PCDHGA5: variants seen among roughly 807,000 people sequenced by gnomAD.
The protein encoded by PCDHGA5 is protocadherin gamma subfamily A, 5.
In PCDHGA5, 36 loss-of-function variants were observed where a neutral mutation model predicts 56.7. That is an observed-to-expected ratio of 0.64 (90% CI 0.49 to 0.84). PCDHGA5 has a LOEUF of 0.84. Among genes scored for constraint, PCDHGA5 ranks in the 40% least tolerant of loss-of-function variants. The pLI is 0.00. For missense variants in PCDHGA5, 1,305 were observed against 1,201.5 expected (o/e 1.09, Z -1.27); for synonymous variants, 563 against 520.2 (o/e 1.08, Z -1.12).
rs777924092 is a variant in PCDHGA5 at position 141,487,482 on chromosome 5, A to T, written c.2422-7325A>T. The T allele has an allele frequency of 1.2e-6, 2 of 1,614,164 alleles. No individual in the cohort carries two copies. Among genetic ancestry groups the T allele is most frequent in the South Asian group, 2.2e-5 (2 of 91,086 alleles). ...TTTGTTGATGTGGGAGGCCACTCTCATGGCTGTACACCCTTGGCTTCTGCA... is the reference window on the plus strand; with the variant it reads ...TTTGTTGATGTGGGAGGCCACTCTCTTGGCTGTACACCCTTGGCTTCTGCA... On this transcript the variant is annotated intron_variant, in intron 1 of 3. Coordinates refer to ENST00000518069, the MANE Select transcript of PCDHGA5 (RefSeq NM_018918.3). The surrounding 1 kb of genome is among the most constrained non-coding windows in gnomAD (Gnocchi z 5.0).
chr5:141,490,822 C>T lies in PCDHGA5; in HGVS notation c.2422-3985C>T. ...GCGTACCTTTGACTATGAATTGCTG[C>T]AGATGCTGCAGATTGTGGTGGGGGT... On this transcript the variant is annotated intron_variant, in intron 1 of 3. Coordinates refer to ENST00000518069, the MANE Select transcript of PCDHGA5 (RefSeq NM_018918.3). This position sits in a 1 kb window ranked among gnomAD's most constrained non-coding sequence, Gnocchi z 5.4. 2 of 1,613,842 alleles carry T rather than the reference C, an allele frequency of 1.2e-6. No individual in the cohort carries two copies. Among genetic ancestry groups the T allele is most frequent in the Non-Finnish European group, 1.7e-6 (2 of 1,179,790 alleles).
At chr5:141,397,725 C>T (rs1292048088) in intron 1 of PCDHGA5, among the ~76,000 whole-genome samples, 1 of 152,180 alleles carries the variant, frequency 6.6e-6, no homozygotes, top group Non-Finnish European at 1.5e-5. Flanking sequence ...ATTTGGAAAA[C>T]AGAGAAAGAT....
intron 1 of PCDHGA5, among the ~76,000 whole-genome samples, chr5:141,471,076 T>C (rs1463083616): frequency 1.5e-5 from 2 of 136,094 alleles, no homozygotes; most frequent in Non-Finnish European, 3.1e-5. Context: ...TGAGACAGGG[T>C]CTCCCTCTGT....
chr5:141,510,582 A>G (rs1156375287), intron 3 of PCDHGA5, among the ~76,000 whole-genome samples: 2 of 152,166 alleles, frequency 1.3e-5, no homozygotes, highest in Non-Finnish European at 2.9e-5. Context: ...TATTTTACGT[A>G]CCTGACATAC....
In PCDHGA5 at chr5:141,432,167, T is replaced by G. The variant is rs559707772; in HGVS notation, c.2422-62640T>G. The G allele has an allele frequency of 1.4e-5, 22 of 1,613,962 alleles. No homozygotes were observed. The highest frequency in any genetic ancestry group is 9.3e-5 in the African/African-American group (7 of 74,972). On this transcript the variant is annotated intron_variant, in intron 1 of 3. Coordinates refer to ENST00000518069, the MANE Select transcript of PCDHGA5 (RefSeq NM_018918.3). The surrounding 1 kb of genome is among the most constrained non-coding windows in gnomAD (Gnocchi z 6.0). Reference sequence around the variant, plus strand: ...CCCAGAGAACAATCCCAGAGGAGTTTCCCTCGTCTCTGTGACCGCCCACGA... The same window carrying G: ...CCCAGAGAACAATCCCAGAGGAGTTGCCCTCGTCTCTGTGACCGCCCACGA...
chr5:141,403,465 G>A, intron 1 of PCDHGA5: 1 of 1,614,018 alleles, frequency 6.2e-7, no homozygotes, highest in Non-Finnish European at 8.5e-7. Context: ...AGAGCTACCA[G>A]CTCAGCCCCA....
chr5:141,375,876 C>T, intron 1 of PCDHGA5: 1 of 1,613,848 alleles, frequency 6.2e-7, no homozygotes, highest in Non-Finnish European at 8.5e-7. Context: ...GACAGAGACT[C>T]GGGCCAGAAC....
rs555568322 is a variant in PCDHGA5, at chr5:141,366,458, G to T, written c.2128G>T (p.Val710Leu). Residue 710 changes from valine (V) to leucine (L), a missense_variant, in exon 1 of 4, where the codon GTG becomes TTG. Transcript: ENST00000518069. ...CTGCGTCTTCCTGGCCTTCGTCATC[G>T]TGCTGCTGGTGCTCAGACTGAGGCG... The part of the protein sequence containing the change: ...VSCVFLAFVI[V>L]LLVLRLRRWH... 12 of 1,614,210 alleles carry T rather than the reference G, an allele frequency of 7.4e-6. No individual in the cohort carries two copies. Among genetic ancestry groups the T allele is most frequent in the African/African-American group, 1.3e-5 (1 of 75,068 alleles).
chr5:141,413,328 C>G, intron 1 of PCDHGA5: 1 of 1,614,004 alleles, frequency 6.2e-7, no homozygotes, highest in Non-Finnish European at 8.5e-7. Context: ...TCGTGGGCAA[C>G]ATCTCCAAGG....
At chr5:141,379,890 T>TTTTTTTTTTTTTTTTTTTTTTG (rs1776022019) in intron 1 of PCDHGA5, among the ~76,000 whole-genome samples, 1 of 25,360 alleles carries the variant, frequency 3.9e-5, no homozygotes, top group Non-Finnish European at 6.4e-5. Context: ...TGAAAGCCTC[T>TTTTTTTTTTTTTTTTTTTTTTG]TTTTTTTTTT....
chr5:141,415,853 G>A, intron 1 of PCDHGA5: 1 of 1,186,350 alleles, frequency 8.4e-7, no homozygotes, highest in Non-Finnish European at 1.1e-6. Flanking sequence ...GCAGAACCTT[G>A]TAGTTTATAG....
intron 1 of PCDHGA5, chr5:141,389,992 T>C (rs1454071261): frequency 6.2e-7 from 1 of 1,614,010 alleles, no homozygotes; most frequent in South Asian, 1.1e-5. Flanking sequence ...CTCTTCCTCG[T>C]GGCCATGATT....
At chr5:141,507,809 C>G (rs866898784) in intron 3 of PCDHGA5, among the ~76,000 whole-genome samples, 1 of 152,206 alleles carries the variant, frequency 6.6e-6, no homozygotes, top group Non-Finnish European at 1.5e-5. Context: ...CCCTGGGGAA[C>G]GGACCCTGGG....
intron 2 of PCDHGA5, among the ~76,000 whole-genome samples, chr5:141,500,806 T>C (rs2099802700): frequency 6.6e-6 from 1 of 152,240 alleles, no homozygotes; most frequent in Non-Finnish European, 1.5e-5. Context: ...AGTCCTCATA[T>C]GAATATACAT....
rs532631149 is a variant in PCDHGA5, at chr5:141,506,489, C to A, written c.2569+1008C>A. On this transcript the variant is annotated intron_variant, in intron 3 of 3. Transcript: ENST00000518069. ...AAGAGCACAGGCTTTAGAGGCAGGC[C>A]AATCTGGATTCAAATCCTGGCACCT... 1.9e-4 allele frequency among the ~76,000 whole-genome samples: 29 copies of A among 150,750 alleles called. 1 individual carries two copies. In the South Asian group the frequency reaches 5.9e-3, roughly 31 times the overall value.
At position 141,485,379 on chromosome 5, in the gene PCDHGA5, A is replaced by G. The variant is rs749607481; in HGVS notation, c.2422-9428A>G. 12 of 1,613,934 alleles carry G rather than the reference A, an allele frequency of 7.4e-6. No homozygotes were observed. In the Admixed American group the frequency reaches 1.8e-4, roughly 25 times the overall value. The stretch of plus-strand genomic sequence containing the variant: ...GCTCGCAGGCTGCAGGTCGCTGGAG[A>G]GGTGAACCAAAGACACTTCCGTGTG... On this transcript the variant is annotated intron_variant, in intron 1 of 3. Coordinates refer to ENST00000518069, the MANE Select transcript of PCDHGA5 (RefSeq NM_018918.3). This position sits in a 1 kb window ranked among gnomAD's most constrained non-coding sequence, Gnocchi z 5.7.
Position 141,485,752 on chromosome 5 carries a change from G to A in PCDHGA5, c.2422-9055G>A. 1 of 1,614,232 alleles carries A rather than the reference G, an allele frequency of 6.2e-7. No individual in the cohort carries two copies. Among genetic ancestry groups the A allele is most frequent in the Middle Eastern group, 1.6e-4 (1 of 6,062 alleles). ...GCAGCGACGGCAGCCTGGTCCCAGA[G>A]CTGCTCCTGGAGAAGCCTTTGGATC... On this transcript the variant is annotated intron_variant, in intron 1 of 3. Coordinates refer to ENST00000518069, the MANE Select transcript of PCDHGA5 (RefSeq NM_018918.3). This position sits in a 1 kb window ranked among gnomAD's most constrained non-coding sequence, Gnocchi z 5.7.
chr5:141,412,952 T>C, intron 1 of PCDHGA5: 1 of 482,218 alleles, frequency 2.1e-6, no homozygotes, highest in Non-Finnish European at 3.6e-6. Context: ...AGCGCCGCTG[T>C]TCACCTACTA....
intron 1 of PCDHGA5, among the ~76,000 whole-genome samples, chr5:141,472,980 C>CAAAAAAAAAAAAAAAAAGAAAAAAA (rs2099309731): frequency 1.2e-5 from 1 of 86,102 alleles, no homozygotes; most frequent in African/African-American, 3.9e-5. Flanking sequence ...GAGTGAAACT[C>CAAAAAAAAAAAAAAAAAGAAAAAAA]AAAAAAAAAA....
Sources: allele counts gnomAD v4.1 joint callset (sites outside exome capture counted in the v4.1 genomes callset), GRCh38; gene constraint gnomAD v4.1.1; non-coding constraint Gnocchi (gnomAD v3.1); transcripts MANE v1.5; gene names NCBI Gene and HGNC (gene_info 2026-07-23, HGNC 2026-07-21).